Variants in COL11A1 observed in about 807,000 individuals in gnomAD.
The protein encoded by COL11A1 is collagen alpha-1(XI) chain.
In COL11A1, 74 loss-of-function variants were observed where a neutral mutation model predicts 265.2. That is an observed-to-expected ratio of 0.28 (90% confidence interval 0.23 to 0.34). COL11A1 has a LOEUF of 0.34. COL11A1 is among the 10% of genes least tolerant of loss of function. The pLI is 1.00. For missense variants in COL11A1, 2,165 were observed against 2,263.6 expected, an observed-to-expected ratio of 0.96 and a Z score of 0.88; for synonymous variants, 816 against 727.6, an observed-to-expected ratio of 1.12 and a Z score of -1.96.
At chr1:102,905,201 C>T (rs1329405835) in intron 54 of COL11A1, among the ~76,000 whole-genome samples, 1 of 126,310 alleles carries the variant, frequency 7.9e-6, no homozygotes, top group South Asian at 2.7e-4. Flanking sequence ...GGAAAGGGAA[C>T]ATCACACACC....
intron 41 of COL11A1, among the ~76,000 whole-genome samples, chr1:102,956,763 T>C (rs575970772): frequency 1.7e-3 from 253 of 151,982 alleles, no homozygotes; most frequent in African/African-American, 5.7e-3. Flanking sequence ...TAAGTTGTGT[T>C]CAAAAAGTTT....
chr1:103,035,821 T>A (rs978079912), intron 4 of COL11A1, among the ~76,000 whole-genome samples: 1 of 113,124 alleles, frequency 8.8e-6, no homozygotes, highest in African/African-American at 3.4e-5. Context: ...AGTTTCTGAG[T>A]TTTTTTGTAA....
At chr1:103,060,926 T>A (rs1558011175) in intron 4 of COL11A1, among the ~76,000 whole-genome samples, 2 of 151,920 alleles carry the variant, frequency 1.3e-5, no homozygotes, top group Non-Finnish European at 2.9e-5. Flanking sequence ...TTGCCTTAAA[T>A]ATGAATGATT....
At chr1:103,028,566 A>AG (rs1667740655) in intron 5 of COL11A1, among the ~76,000 whole-genome samples, 1 of 152,172 alleles carries the variant, frequency 6.6e-6, no homozygotes, top group South Asian at 2.1e-4. Context: ...ATAATCAATC[A>AG]GACAAATATA....
chr1:102,882,191 G>C (rs780540705), intron 64 of COL11A1, among the ~76,000 whole-genome samples: 10 of 152,126 alleles, frequency 6.6e-5, no homozygotes, highest in Admixed American at 3.9e-4. Flanking sequence ...CAGTAGCTAA[G>C]GAGATATACT....
At chr1:103,066,581 A>C (rs1323132133) in intron 4 of COL11A1, among the ~76,000 whole-genome samples, 1 of 150,862 alleles carries the variant, frequency 6.6e-6, no homozygotes, top group East Asian at 1.9e-4. Flanking sequence ...GACTGGAGGC[A>C]GGAAAGGAAG....
intron 46 of COL11A1, among the ~76,000 whole-genome samples, chr1:102,927,723 A>C (rs1656786122): frequency 6.6e-6 from 1 of 152,072 alleles, no homozygotes. Context: ...CAATTGTAAG[A>C]TATATTTGAA....
At chr1:102,959,799 A>G (rs990095598) in intron 41 of COL11A1, among the ~76,000 whole-genome samples, 1 of 152,172 alleles carries the variant, frequency 6.6e-6, no homozygotes, top group Non-Finnish European at 1.5e-5. Flanking sequence ...CAGCCTACAA[A>G]TACACTGGTT....
chr1:103,066,617 A>T (rs1671172676), intron 4 of COL11A1, among the ~76,000 whole-genome samples: 1 of 151,672 alleles, frequency 6.6e-6, no homozygotes, highest in South Asian at 2.1e-4. Context: ...AACAGAGAGT[A>T]CAAAGAAAAT....
intron 4 of COL11A1, among the ~76,000 whole-genome samples, chr1:103,069,122 A>T (rs773995798): frequency 9.2e-5 from 14 of 151,816 alleles, no homozygotes; most frequent in Non-Finnish European, 2.1e-4. Context: ...AATGTTTTAC[A>T]AAGAATAAAA....
At chr1:103,025,477 T>C in intron 7 of COL11A1, 44 bp downstream of exon 7, 2 of 1,302,588 alleles carry the variant, frequency 1.5e-6, no homozygotes, top group South Asian at 2.4e-5. Context: ...AAATTACATA[T>C]TTAAAAAGTG....
At chr1:103,054,000 C>T (rs1670034222) in intron 4 of COL11A1, among the ~76,000 whole-genome samples, 1 of 152,098 alleles carries the variant, frequency 6.6e-6, no homozygotes, top group South Asian at 2.1e-4. Flanking sequence ...TGTTACAAAA[C>T]TCTAATTTAC....
rs1204523782 is a variant in COL11A1 at position 103,026,331 on chromosome 1, T to C, written c.782A>G (p.Tyr261Cys). The change falls in exon 6 of 67, where the codon TAT becomes TGT. Residue 261 changes from tyrosine to cysteine, a missense_variant and splice_region_variant. By Grantham distance (194) the Tyr-to-Cys change is radical. Transcript: ENST00000370096. ...ATATTCGATTATATCCTCTGGTGCA[T>C]ACTACATTGCAAAGGAAAAAATATC... Reference protein sequence around the residue: ...AQAQEPQIDEYAPEDIIEYDY... With the variant: ...AQAQEPQIDECAPEDIIEYDY... 2 of 1,599,658 alleles carry C rather than the reference T, an allele frequency of 1.3e-6. No individual in the cohort carries two copies. Among genetic ancestry groups the C allele is most frequent in the Admixed American group, 3.3e-5 (2 of 59,990 alleles).
chr1:102,883,760 G>A (rs1406873248), intron 63 of COL11A1, among the ~76,000 whole-genome samples: 2 of 151,596 alleles, frequency 1.3e-5, no homozygotes, highest in Admixed American at 1.3e-4. Flanking sequence ...CAGTGGAGGT[G>A]ATATCGTATC....
chr1:102,996,000 G>C lies in COL11A1; in HGVS notation c.2284C>G (p.Arg762Gly), dbSNP rs759469788. 5.6e-6 allele frequency: 9 copies of C among 1,613,056 alleles called. No individual in the cohort carries two copies. The highest frequency in any genetic ancestry group is 1.7e-5 in the Admixed American group (1 of 59,890). The change falls in exon 27 of 67, where the codon CGG (arginine) becomes GGG (glycine). Residue 762 changes from arginine (R) to glycine (G), a missense_variant. Physicochemically the swap from Arg to Gly is moderately radical, Grantham distance 125. Transcript: ENST00000370096. ...PQGPIGYPGP[R>G]GVKGADGVRG... ...CAATTTAACGTTACCTTTACTCCCC[G>C]GGGGCCCGGGTATCCAATAGGACCT...
chr1:102,951,195 T>G (rs568915234), intron 41 of COL11A1, among the ~76,000 whole-genome samples: 1 of 152,326 alleles, frequency 6.6e-6, no homozygotes, highest in Non-Finnish European at 1.5e-5. Flanking sequence ...TTCAAAGTAT[T>G]TCTTATACAC....
intron 46 of COL11A1, among the ~76,000 whole-genome samples, chr1:102,933,344 C>A (rs1350706497): frequency 1.4e-5 from 2 of 139,976 alleles, no homozygotes; most frequent in East Asian, 4.3e-4. Context: ...TGTTGGAATA[C>A]CCTGCCGTGT....
chr1:102,981,293 T>G (rs1663012806), intron 31 of COL11A1, among the ~76,000 whole-genome samples: 1 of 152,078 alleles, frequency 6.6e-6, no homozygotes, highest in Non-Finnish European at 1.5e-5. Flanking sequence ...CTCTTTTCTT[T>G]CTCTACACAG....
chr1:103,103,568 A>T (rs570897476), intron 1 of COL11A1, among the ~76,000 whole-genome samples: 101 of 152,068 alleles, frequency 6.6e-4, no homozygotes, highest in African/African-American at 2.4e-3. Flanking sequence ...TTCTATTTAA[A>T]TTTCTTTATA....
Sources: allele counts gnomAD v4.1 joint callset (sites outside exome capture counted in the v4.1 genomes callset), GRCh38; gene constraint gnomAD v4.1.1; transcripts MANE v1.5; gene names NCBI Gene and HGNC (gene_info 2026-07-23, HGNC 2026-07-21).